Variants in KIAA0319L observed in about 807,000 individuals in gnomAD.
KIAA0319L encodes dyslexia-associated protein KIAA0319-like protein.
A neutral mutation model predicts 120.1 loss-of-function variants in KIAA0319L; 55 were observed. The ratio of observed to expected loss-of-function variants is 0.46; its 90% CI spans 0.37 to 0.57. The LOEUF (loss-of-function observed/expected upper bound fraction) is 0.57, where lower values mean the gene tolerates loss of function less well. Among genes scored for constraint, KIAA0319L ranks in the 20% least tolerant of loss-of-function variants. The pLI, the probability that KIAA0319L is intolerant of heterozygous loss-of-function variation, is 0.00. For missense variants in KIAA0319L, 1,049 were observed against 1,255.3 expected (o/e 0.84, Z 2.48); for synonymous variants, 398 against 471.9 (o/e 0.84, Z 2.03).
intron 2 of KIAA0319L, among the ~76,000 whole-genome samples, chr1:35,514,767 C>T (rs1183868281): frequency 6.6e-6 from 1 of 152,154 alleles, no homozygotes; most frequent in Non-Finnish European, 1.5e-5. Flanking sequence ...TACAAAGAAA[C>T]GTGGACTCCC....
At chr1:35,464,362 G>C (rs1643107181) in intron 7 of KIAA0319L, among the ~76,000 whole-genome samples, 1 of 152,194 alleles carries the variant, frequency 6.6e-6, no homozygotes, top group African/African-American at 2.4e-5. Context: ...CTGGAGCAAA[G>C]GTGACTCTTG....
intron 2 of KIAA0319L, among the ~76,000 whole-genome samples, chr1:35,508,393 T>C (rs1645289110): frequency 6.6e-6 from 1 of 152,156 alleles, no homozygotes; most frequent in Non-Finnish European, 1.5e-5. Flanking sequence ...CGAAAGCAAC[T>C]GACAATCAGC....
chr1:35,508,282 A>G (rs751512417), intron 2 of KIAA0319L, among the ~76,000 whole-genome samples: 2 of 152,206 alleles, frequency 1.3e-5, no homozygotes, highest in Non-Finnish European at 2.9e-5. Context: ...ATAACATAAA[A>G]TATATGTTAG....
chr1:35,520,697 G>A (rs1004882822), intron 2 of KIAA0319L, among the ~76,000 whole-genome samples: 1 of 152,086 alleles, frequency 6.6e-6, no homozygotes, highest in Non-Finnish European at 1.5e-5. Flanking sequence ...CAAAATTGAA[G>A]CACCCCTACT....
chr1:35,507,130 T>C lies in KIAA0319L; in HGVS notation c.148A>G (p.Ser50Gly), dbSNP rs555469513. The change falls in exon 3 of 21, where the codon AGT becomes GGT. Residue 50 changes from serine (S) to glycine (G), a missense_variant. Coordinates refer to ENST00000325722, the MANE Select transcript of KIAA0319L (RefSeq NM_024874.5). ...TTCCCCTGCTGGCACCTGCTCTCAC[T>C]GGCATCTAAAAACAAAGAATGAAAA... ...FSVLWLSTDA[S>G]ESRCQQGKTQ... The C allele has an allele frequency of 2.0e-6, 3 of 1,518,692 alleles. No individual in the cohort carries two copies. The highest frequency in any genetic ancestry group is 4.6e-5 in the East Asian group (2 of 43,948). The allele number at this position is 1,518,692 out of a possible 1,614,324, so 94.1% of individuals were successfully genotyped here. A position where few individuals can be genotyped will look rare whatever the true frequency, so the allele number is the denominator to read the frequency against.
intron 3 of KIAA0319L, among the ~76,000 whole-genome samples, chr1:35,483,393 T>C (rs993491833): frequency 1.3e-5 from 2 of 152,246 alleles, no homozygotes; most frequent in Non-Finnish European, 2.9e-5. Context: ...TTGAGATCTA[T>C]GATCCGTTTT....
intron 17 of KIAA0319L, among the ~76,000 whole-genome samples, chr1:35,443,793 G>A (rs1641408962): frequency 6.6e-6 from 1 of 152,188 alleles, no homozygotes; most frequent in African/African-American, 2.4e-5. Flanking sequence ...CATGTAATGT[G>A]ATAGGAAATT....
intron 8 of KIAA0319L, among the ~76,000 whole-genome samples, chr1:35,461,816 C>T (rs76210345): frequency 0.027 from 4,059 of 152,140 alleles, 219 homozygotes; most frequent in East Asian, 0.24. Flanking sequence ...TCCCTCCTGG[C>T]CTACTATCAT....
intron 2 of KIAA0319L, among the ~76,000 whole-genome samples, chr1:35,543,477 C>T (rs1387213827): frequency 6.6e-6 from 1 of 152,108 alleles, no homozygotes; most frequent in Non-Finnish European, 1.5e-5. Flanking sequence ...ACATGAAGAG[C>T]AGAGATATAA....
intron 2 of KIAA0319L, among the ~76,000 whole-genome samples, chr1:35,516,983 G>A (rs1174954539): frequency 6.6e-6 from 1 of 151,834 alleles, no homozygotes; most frequent in Non-Finnish European, 1.5e-5. Flanking sequence ...AAAATACCTA[G>A]GAATACAGGT....
chr1:35,504,356 C>T (rs1334197031), intron 3 of KIAA0319L, among the ~76,000 whole-genome samples: 1 of 152,076 alleles, frequency 6.6e-6, no homozygotes, highest in Non-Finnish European at 1.5e-5. Context: ...GCCACCACGC[C>T]CGGCTAACTT....
chr1:35,536,283 A>G (rs1558631526), intron 2 of KIAA0319L, among the ~76,000 whole-genome samples: 2 of 152,260 alleles, frequency 1.3e-5, no homozygotes, highest in African/African-American at 4.8e-5. Context: ...TTTCCTGTCT[A>G]AACTCTAAAC....
chr1:35,475,913 CACGGTCT>C (rs1265565484), intron 4 of KIAA0319L, among the ~76,000 whole-genome samples: 4 of 152,180 alleles, frequency 2.6e-5, no homozygotes, highest in African/African-American at 9.7e-5. Flanking sequence ...TCCACAAAGC[CACGGTCT>C]ACTCTCAGGG....
intron 7 of KIAA0319L, among the ~76,000 whole-genome samples, chr1:35,464,404 C>A: frequency 6.6e-6 from 1 of 152,108 alleles, no homozygotes; most frequent in East Asian, 1.9e-4. Flanking sequence ...CAGCATTTTG[C>A]CCCGGCCCTA....
At chr1:35,452,721 A>T (rs2149092300) in intron 12 of KIAA0319L, among the ~76,000 whole-genome samples, 1 of 152,352 alleles carries the variant, frequency 6.6e-6, no homozygotes. Flanking sequence ...GATAAAAACA[A>T]GAGCTGAGGG....
At chr1:35,478,700 A>G (rs1644012560) in intron 4 of KIAA0319L, among the ~76,000 whole-genome samples, 1 of 152,244 alleles carries the variant, frequency 6.6e-6, no homozygotes, top group South Asian at 2.1e-4. Context: ...TCACTTGAAC[A>G]TTATACTTAA....
chr1:35,522,025 C>T (rs79249622), intron 2 of KIAA0319L, among the ~76,000 whole-genome samples: 1,890 of 151,866 alleles, frequency 0.012, 46 homozygotes, highest in African/African-American at 0.04. Flanking sequence ...CATGCAACCG[C>T]TAAAATAAAT....
intron 2 of KIAA0319L, among the ~76,000 whole-genome samples, chr1:35,541,539 G>A (rs750252247): frequency 2.4e-4 from 36 of 151,660 alleles, no homozygotes; most frequent in Admixed American, 1.3e-4. Flanking sequence ...TAGTAGAGAC[G>A]GGGTTTCACC....
intron 15 of KIAA0319L, among the ~76,000 whole-genome samples, chr1:35,448,638 A>G (rs1276133142): frequency 6.6e-6 from 1 of 152,148 alleles, no homozygotes; most frequent in East Asian, 1.9e-4. Context: ...ACACTTAAAC[A>G]TTTGTTTTAA....
Sources: gnomAD v4.1 joint callset for allele counts (sites outside exome capture counted in the v4.1 genomes callset) on GRCh38, gnomAD v4.1.1 for gene constraint, MANE v1.5 for transcripts, NCBI Gene and HGNC (gene_info 2026-07-23, HGNC 2026-07-21) for gene names.